The following ZNF555 variants were observed in gnomAD, a reference collection of about 807,000 sequenced individuals.
ZNF555 encodes zinc finger protein 555.
A neutral mutation model predicts 14.0 loss-of-function variants in ZNF555; 10 were observed. The observed-to-expected ratio is 0.72, with a 90% confidence interval of 0.44 to 1.21. ZNF555 has a LOEUF of 1.21. ZNF555 is among the 50% of genes most tolerant of loss of function. The pLI is 0.00. For missense variants in ZNF555, 747 were observed against 762.0 expected (o/e 0.98, Z 0.23); for synonymous variants, 277 against 262.4 (o/e 1.06, Z -0.54).
At chr19:2,844,499 C>A (rs11671001) in intron 1 of ZNF555, among the ~76,000 whole-genome samples, 127,097 of 152,194 alleles carry the variant, frequency 0.84, 53,386 homozygotes, top group East Asian at 1. Context: ...TCAGCCTCCC[C>A]GAGTGCTGGA....
In ZNF555 at chr19:2,853,658, T is replaced by G. The variant is rs780039400; in HGVS notation, c.1593T>G (p.Thr531=). The part of the protein sequence containing the change: ...ELLQQHVRTH[T]VEKPYECKEC... ...TGCAACAACATGTGAGAACGCACACTGTAGAGAAGCCCTATGAATGTAAGG... is the reference window on the plus strand; with the variant it reads ...TGCAACAACATGTGAGAACGCACACGGTAGAGAAGCCCTATGAATGTAAGG... The change falls in exon 4 of 4, where the codon ACT becomes ACG. Residue 531 remains threonine, a synonymous_variant. Transcript: ENST00000334241. 5.0e-6 allele frequency: 8 copies of G among 1,590,572 alleles called. No homozygotes were observed. In the African/African-American group the frequency reaches 5.4e-5, roughly 11 times the overall value.
Position 2,852,400 on chromosome 19 carries a change from G to T in ZNF555, c.335G>T (p.Arg112Ile), listed in dbSNP as rs375445049. The T allele has an allele frequency of 2.5e-6, 4 of 1,614,014 alleles. No individual in the cohort carries two copies. The East Asian group carries it at 6.7e-5, about 27-fold the overall frequency. Reference protein sequence around the residue: ...RNLSRNHGLERLCESNDQCGE... With the variant: ...RNLSRNHGLEILCESNDQCGE... ...TTTAGTAGAAATCATGGGTTGGAGA[G>T]ACTCTGTGAAAGTAATGATCAATGT... Residue 112 changes from arginine (R) to isoleucine (I), a missense_variant, in exon 4 of 4, where the codon AGA becomes ATA. Physicochemically the swap from Arg to Ile is moderately conservative, Grantham distance 97. Coordinates refer to ENST00000334241, the MANE Select transcript of ZNF555 (RefSeq NM_152791.5).
rs2144858853 is a variant in ZNF555 at position 2,854,074 on chromosome 19, G to A, written c.*122G>A. 1 of 1,218,644 alleles carries A rather than the reference G, an allele frequency of 8.2e-7. No individual in the cohort carries two copies. The highest frequency in any genetic ancestry group is 1.1e-6 in the Non-Finnish European group (1 of 886,240). 75.5% of individuals were successfully genotyped at this position (1,218,644 alleles called of 1,614,324 possible). On this transcript the variant is annotated 3_prime_UTR_variant, in exon 4 of 4. Transcript: ENST00000334241. Reference sequence around the variant, plus strand: ...TATCCTACATGAATTTGAACAGGTAGTTTCTTACGATTCAGTAAATAAAAC... The same window carrying A: ...TATCCTACATGAATTTGAACAGGTAATTTCTTACGATTCAGTAAATAAAAC...
chr19:2,855,610 A>G lies in ZNF555; in HGVS notation c.*1658A>G, dbSNP rs1292843196. The G allele has an allele frequency of 6.6e-6, 1 of 152,166 alleles. No individual in the cohort carries two copies. The highest frequency in any genetic ancestry group is 1.5e-5 in the Non-Finnish European group (1 of 68,018). 9.4% of individuals were successfully genotyped at this position (152,166 alleles called of 1,614,324 possible). On this transcript the variant is annotated 3_prime_UTR_variant, in exon 4 of 4. Transcript: ENST00000334241. ...GTGCTTTCAAATTAGTTGTTTAGAGACTATATTAATTTCCCAGGGCTGCCA... is the reference window on the plus strand; with the variant it reads ...GTGCTTTCAAATTAGTTGTTTAGAGGCTATATTAATTTCCCAGGGCTGCCA...
At chr19:2,843,996 G>T (rs2087560259) in intron 1 of ZNF555, among the ~76,000 whole-genome samples, 1 of 151,882 alleles carries the variant, frequency 6.6e-6, no homozygotes, top group Non-Finnish European at 1.5e-5. Context: ...AGCCTCTAAA[G>T]TAGCTGGGAC....
At position 2,853,322 on chromosome 19, in the gene ZNF555, T is replaced by C. The variant is rs2087652412; in HGVS notation, c.1257T>C (p.Thr419=). 2 of 1,614,062 alleles carry C rather than the reference T, an allele frequency of 1.2e-6. No homozygotes were observed. Among genetic ancestry groups the C allele is most frequent in the South Asian group, 2.2e-5 (2 of 91,090 alleles). ...TTCGAGGACACATGAGGGTGCACAC[T>C]GGAGAGAAACCCTATGAGTGCAAGC... The part of the protein sequence containing the change: ...SSFRGHMRVH[T]GEKPYECKQC... The change falls in exon 4 of 4, where the codon ACT becomes ACC. Residue 419 remains threonine, a synonymous_variant. Coordinates refer to ENST00000334241, the MANE Select transcript of ZNF555 (RefSeq NM_152791.5).
intron 1 of ZNF555, among the ~76,000 whole-genome samples, chr19:2,844,793 TC>T (rs2087568781): frequency 6.6e-6 from 1 of 152,166 alleles, no homozygotes; most frequent in African/African-American, 2.4e-5. Context: ...GGTTGGCTCT[TC>T]CTGCGTCCAC....
chr19:2,859,683 G>C lies in ZNF555; in HGVS notation c.*5731G>C, dbSNP rs895036267. ...GTTCTCAGGTTCTTATGTAGACAGT[G>C]AGGGCTCAGGGAGGCTCCCACCACC... On this transcript the variant is annotated 3_prime_UTR_variant, in exon 4 of 4. Transcript: ENST00000334241. The C allele has an allele frequency of 6.6e-6, 1 of 152,656 alleles. No homozygotes were observed. Among genetic ancestry groups the C allele is most frequent in the African/African-American group, 2.4e-5 (1 of 41,426 alleles). The allele number at this position is 152,656 out of a possible 1,614,324, so 9.5% of individuals were successfully genotyped here. A position where few individuals can be genotyped will look rare whatever the true frequency, so the allele number is the denominator to read the frequency against.
chr19:2,841,709 C>A (rs951765473), intron 1 of ZNF555, 134 bp downstream of exon 1: 105 of 1,096,808 alleles, frequency 9.6e-5, no homozygotes, highest in Non-Finnish European at 1.2e-4. Context: ...GAGCCTGGGC[C>A]CCGGGGGTCC....
rs1361055946 is a variant in ZNF555, at chr19:2,852,946, G to A, written c.881G>A (p.Ser294Asn). Residue 294 changes from serine (S) to asparagine (N), a missense_variant, in exon 4 of 4, where the codon AGT (serine) becomes AAT (asparagine). By Grantham distance (46) the Ser-to-Asn change is conservative. Transcript: ENST00000334241. ...TGTAAGGAATGTGCGGAAGCCTTTA[G>A]TTATTCCTCAACTTTTCGAAGACAT... ...YKCKECAEAF[S>N]YSSTFRRHMI... 6.2e-7 allele frequency: 1 copy of A among 1,614,108 alleles called. No homozygotes were observed. Among genetic ancestry groups the A allele is most frequent in the Non-Finnish European group, 8.5e-7 (1 of 1,180,050 alleles).
intron 1 of ZNF555, 77 bp from the exon 2 acceptor site, chr19:2,850,510 C>T: frequency 6.4e-7 from 1 of 1,558,626 alleles, no homozygotes; most frequent in South Asian, 1.2e-5. Context: ...CTTGTTTGAA[C>T]TACATACGAA....
rs1384462970 is a variant in ZNF555, at chr19:2,855,852, C to G, written c.*1900C>G. 1 of 152,074 alleles carries G rather than the reference C, an allele frequency of 6.6e-6. No homozygotes were observed. The highest frequency in any genetic ancestry group is 2.4e-5 in the African/African-American group (1 of 41,394). The allele number at this position is 152,074 out of a possible 1,614,324, so 9.4% of individuals were successfully genotyped here. ...TGGCATTCTCCCTGTGTGTGTGTCT[C>G]TCCATGTGACAATATTTTTATACAT... On this transcript the variant is annotated 3_prime_UTR_variant, in exon 4 of 4. Transcript: ENST00000334241.
chr19:2,851,384 A>G (rs1386322720), intron 2 of ZNF555, 84 bp from the exon 3 acceptor site: 3 of 1,098,594 alleles, frequency 2.7e-6, no homozygotes, highest in Non-Finnish European at 3.9e-6. Flanking sequence ...GTGTTTAATG[A>G]AGTCCTGAGA....
At position 2,855,041 on chromosome 19, in the gene ZNF555, CAAA is replaced by C. The variant is rs1481444532; in HGVS notation, c.*1090_*1092del. The C allele has an allele frequency of 6.6e-6, 1 of 152,068 alleles. No individual in the cohort carries two copies. Among genetic ancestry groups the C allele is most frequent in the Admixed American group, 6.5e-5 (1 of 15,270 alleles). The allele number at this position is 152,068 out of a possible 1,614,324, so 9.4% of individuals were successfully genotyped here. On this transcript the variant is annotated 3_prime_UTR_variant, in exon 4 of 4. Coordinates refer to ENST00000334241, the MANE Select transcript of ZNF555 (RefSeq NM_152791.5). ...ACCACGAAAGCCACAGTGTTGCAGT[CAAA>C]GAAGAAAAACAACACATGGGACTTT...
In ZNF555 at chr19:2,854,337, T is replaced by C; in HGVS notation, c.*385T>C. On this transcript the variant is annotated 3_prime_UTR_variant, in exon 4 of 4. Coordinates refer to ENST00000334241, the MANE Select transcript of ZNF555 (RefSeq NM_152791.5). ...GGCAGAATTTTGTAATTATGCAAAG[T>C]TGTTTAAGGAGTATAGCCTCAAATG... is the stretch of plus-strand genomic sequence containing the variant. 1 of 214,980 alleles carries C rather than the reference T, an allele frequency of 4.7e-6. No individual in the cohort carries two copies. The highest frequency in any genetic ancestry group is 9.3e-6 in the Non-Finnish European group (1 of 107,308). The allele number at this position is 214,980 out of a possible 1,614,324, so 13.3% of individuals were successfully genotyped here. A position where few individuals can be genotyped will look rare whatever the true frequency, so the allele number is the denominator to read the frequency against.
chr19:2,853,341 T>A lies in ZNF555; in HGVS notation c.1276T>A (p.Cys426Ser). ...GCACACTGGAGAGAAACCCTATGAG[T>A]GCAAGCAATGTGGGAAAACTTTCAA... ...RVHTGEKPYE[C>S]KQCGKTFNWP... Residue 426 changes from cysteine to serine, a missense_variant, in exon 4 of 4, where the codon TGC (cysteine) becomes AGC (serine). By Grantham distance (112) the Cys-to-Ser change is moderately radical (BLOSUM62 -1). Transcript: ENST00000334241. 1 of 1,614,034 alleles carries A rather than the reference T, an allele frequency of 6.2e-7. No homozygotes were observed. Among genetic ancestry groups the A allele is most frequent in the Non-Finnish European group, 8.5e-7 (1 of 1,179,960 alleles).
In ZNF555 at chr19:2,844,104, T is replaced by C. The variant is rs1207759556; in HGVS notation, c.3+2529T>C. Among the ~76,000 whole-genome samples, 71 of 150,054 alleles carry C rather than the reference T, an allele frequency of 4.7e-4. 2 individuals are homozygous for C. The highest frequency in any genetic ancestry group is 1.6e-3 in the African/African-American group (67 of 40,918). On this transcript the variant is annotated intron_variant, in intron 1 of 3. Transcript: ENST00000334241. ...CTTTCTCTCTCTCTCTTTTCTTTTT[T>C]TTTTTTTTTTTTTTAAAGAGGGAGT...
In ZNF555 at chr19:2,856,260, A is replaced by G. The variant is rs1036866635; in HGVS notation, c.*2308A>G. ...CGCTCTGTCACCCAGGCTGGAGTGC[A>G]GTGGCACGACCTTAGCTCACTGCAA... On this transcript the variant is annotated 3_prime_UTR_variant, in exon 4 of 4. Coordinates refer to ENST00000334241, the MANE Select transcript of ZNF555 (RefSeq NM_152791.5). The G allele has an allele frequency of 2.6e-5, 4 of 151,080 alleles. No individual in the cohort carries two copies. The highest frequency in any genetic ancestry group is 7.3e-5 in the African/African-American group (3 of 41,046). The allele number at this position is 151,080 out of a possible 1,614,324, so 9.4% of individuals were successfully genotyped here.
chr19:2,846,985 G>GA (rs1288683148), intron 1 of ZNF555, among the ~76,000 whole-genome samples: 1 of 151,910 alleles, frequency 6.6e-6, no homozygotes, highest in Non-Finnish European at 1.5e-5. Flanking sequence ...CCTCCAATAG[G>GA]AAAAATGATA....
Sources: allele counts gnomAD v4.1 joint callset (sites outside exome capture counted in the v4.1 genomes callset), GRCh38; gene constraint gnomAD v4.1.1; transcripts MANE v1.5; gene names NCBI Gene and HGNC (gene_info 2026-07-23, HGNC 2026-07-21).